Variants in PLCL2 observed in about 807,000 individuals in gnomAD.
PLCL2 encodes the protein phospholipase C like 2, also known as inactive phospholipase C-like protein 2.
Under a neutral mutation model 79.6 loss-of-function variants are expected in PLCL2, and 4 were observed. The ratio of observed to expected loss-of-function variants is 0.05; its 90% CI spans 0.02 to 0.11. The LOEUF (loss-of-function observed/expected upper bound fraction) is 0.11, where lower values mean the gene tolerates loss of function less well. Ranked by LOEUF, PLCL2 falls within the 10% of genes least tolerant of loss-of-function variation. The pLI, the probability that PLCL2 is intolerant of heterozygous loss-of-function variation, is 1.00. For missense variants in PLCL2, 895 were observed against 1,291.0 expected (o/e 0.69, Z 4.70); for synonymous variants, 484 against 457.7 (o/e 1.06, Z -0.73).
At chr3:16,948,511 T>A (rs58765457) in intron 1 of PLCL2, among the ~76,000 whole-genome samples, 37,114 of 152,116 alleles carry the variant, frequency 0.24, 4,874 homozygotes, top group East Asian at 0.53. Flanking sequence ...TAAATAGATG[T>A]ATTGTGTGGT....
rs529207891 is a variant in PLCL2 at position 16,951,486 on chromosome 3, C to G, written c.328-58188C>G. ...CAGGTTTTGGTTTTATTCATTAACT[C>G]TACTATTTTCTGTTTCTTGATTTCT... On this transcript the variant is annotated intron_variant, in intron 1 of 5. Coordinates refer to ENST00000615277, the MANE Select transcript of PLCL2 (RefSeq NM_001144382.2). Among the ~76,000 whole-genome samples the G allele has an allele frequency of 1.6e-4, 24 of 151,990 alleles. No individual in the cohort carries two copies. The East Asian group carries it at 4.6e-3, about 29-fold the overall frequency.
At chr3:16,994,866 C>T (rs1056491415) in intron 1 of PLCL2, among the ~76,000 whole-genome samples, 1 of 152,162 alleles carries the variant, frequency 6.6e-6, no homozygotes, top group African/African-American at 2.4e-5. Context: ...TCCCCATTTG[C>T]ATCTCTTCCC....
rs564690506 is a variant in PLCL2 at position 16,952,877 on chromosome 3, A to G, written c.328-56797A>G. Reference sequence around the variant, plus strand: ...TGCAAAATTGCAACTTACCGAGGGCAGCTTAACAGGATGTGTTAAAATTTT... The same window carrying G: ...TGCAAAATTGCAACTTACCGAGGGCGGCTTAACAGGATGTGTTAAAATTTT... On this transcript the variant is annotated intron_variant, in intron 1 of 5. Transcript: ENST00000615277. Among the ~76,000 whole-genome samples the G allele has an allele frequency of 2.6e-5, 4 of 152,240 alleles. No homozygotes were observed. In the East Asian group the frequency reaches 7.7e-4, roughly 29 times the overall value.
intron 5 of PLCL2, among the ~76,000 whole-genome samples, chr3:17,083,540 G>A (rs2065185229): frequency 6.6e-6 from 1 of 152,180 alleles, no homozygotes; most frequent in East Asian, 1.9e-4. Context: ...AGAGGGAAAG[G>A]GATGTCCTGT....
chr3:16,887,401 G>A lies in PLCL2; in HGVS notation c.327+2035G>A, dbSNP rs1441481838. Reference sequence around the variant, plus strand: ...AGTTCTGTTAATTTATAAAACAATTGGTTTTGGATTTACCAGTCCCATATT... The same window carrying A: ...AGTTCTGTTAATTTATAAAACAATTAGTTTTGGATTTACCAGTCCCATATT... On this transcript the variant is annotated intron_variant, in intron 1 of 5. Coordinates refer to ENST00000615277, the MANE Select transcript of PLCL2 (RefSeq NM_001144382.2). This position sits in a 1 kb window ranked among gnomAD's most constrained non-coding sequence, Gnocchi z 4.1. Among the ~76,000 whole-genome samples, 2 of 152,102 alleles carry A rather than the reference G, an allele frequency of 1.3e-5. No homozygotes were observed. The highest frequency in any genetic ancestry group is 2.4e-5 in the African/African-American group (1 of 41,414).
chr3:17,048,728 A>C (rs139885885), intron 4 of PLCL2, among the ~76,000 whole-genome samples: 2 of 152,186 alleles, frequency 1.3e-5, no homozygotes, highest in Non-Finnish European at 2.9e-5. Flanking sequence ...GTGTGATGCT[A>C]ATCATCTCTG....
At chr3:16,961,042 T>C (rs1256632648) in intron 1 of PLCL2, among the ~76,000 whole-genome samples, 1 of 152,236 alleles carries the variant, frequency 6.6e-6, no homozygotes, top group African/African-American at 2.4e-5. Flanking sequence ...GTCTAGTGTT[T>C]ATGGAATTAA....
At chr3:17,053,797 C>T (rs1356532032) in intron 4 of PLCL2, among the ~76,000 whole-genome samples, 1 of 152,164 alleles carries the variant, frequency 6.6e-6, no homozygotes, top group Non-Finnish European at 1.5e-5. Flanking sequence ...GCAGCTGGGC[C>T]CTGGACCTGG....
chr3:17,053,369 A>G lies in PLCL2; in HGVS notation c.3094+10420A>G, dbSNP rs186257412. Reference sequence around the variant, plus strand: ...ATCTCATGAGAACTCAAAAGGGGGGATGGTGTTGAACCATTCATGAGAACT... The same window carrying G: ...ATCTCATGAGAACTCAAAAGGGGGGGTGGTGTTGAACCATTCATGAGAACT... On this transcript the variant is annotated intron_variant, in intron 4 of 5. Transcript: ENST00000615277. Among the ~76,000 whole-genome samples the G allele has an allele frequency of 1.5e-3, 234 of 152,130 alleles. 1 individual carries two copies. Among genetic ancestry groups the G allele is most frequent in the African/African-American group, 5.3e-3 (220 of 41,494 alleles).
chr3:16,941,545 T>C (rs1166296522), intron 1 of PLCL2, among the ~76,000 whole-genome samples: 1 of 152,202 alleles, frequency 6.6e-6, no homozygotes, highest in African/African-American at 2.4e-5. Context: ...AAAATATCCA[T>C]GCCAGTAAGA....
At chr3:17,065,593 GCCC>G (rs1352216137) in intron 4 of PLCL2, among the ~76,000 whole-genome samples, 1 of 152,164 alleles carries the variant, frequency 6.6e-6, no homozygotes, top group Admixed American at 6.5e-5. Flanking sequence ...TAAACAGTCT[GCCC>G]CTAGCAGAAT....
At chr3:17,006,536 G>T (rs962260447) in intron 1 of PLCL2, among the ~76,000 whole-genome samples, 42 of 152,170 alleles carry the variant, frequency 2.8e-4, no homozygotes, top group African/African-American at 9.9e-4. Flanking sequence ...GGTGTTTTCT[G>T]ATCACTTTAT....
chr3:16,991,529 G>T (rs911463735), intron 1 of PLCL2, among the ~76,000 whole-genome samples: 1 of 151,992 alleles, frequency 6.6e-6, no homozygotes. Flanking sequence ...AATTCTTAAA[G>T]AAAAATTAAT....
intron 1 of PLCL2, among the ~76,000 whole-genome samples, chr3:16,939,228 C>G (rs1164563528): frequency 6.6e-6 from 1 of 152,134 alleles, no homozygotes; most frequent in Non-Finnish European, 1.5e-5. Flanking sequence ...GATTAGTAGT[C>G]CAAACTACTA....
At position 17,011,078 on chromosome 3, in the gene PLCL2, G is replaced by A. The variant is rs759344620; in HGVS notation, c.1732G>A (p.Gly578Arg). ...AAAGAAGCTGTCCTCAAATTGCTCT[G>A]GGGTAGAAGGAGATGTTACTGACGA... ...KAKKLSSNCS[G>R]VEGDVTDEDE... The change falls in exon 2 of 6, where the codon GGG becomes AGG. Residue 578 changes from glycine (G) to arginine (R), a missense_variant. Physicochemically the swap from Gly to Arg is moderately radical, Grantham distance 125 (BLOSUM62 -2). This residue lies in a region of PLCL2 where 242 missense variants were observed against 399.5 expected (regional missense o/e 0.61). Transcript: ENST00000615277. This position sits in a 1 kb window ranked among gnomAD's most constrained non-coding sequence, Gnocchi z 7.9. 3 of 1,614,046 alleles carry A rather than the reference G, an allele frequency of 1.9e-6. No homozygotes were observed. Among genetic ancestry groups the A allele is most frequent in the Admixed American group, 1.7e-5 (1 of 60,014 alleles).
chr3:16,948,027 T>C (rs1167748721), intron 1 of PLCL2, among the ~76,000 whole-genome samples: 2 of 152,246 alleles, frequency 1.3e-5, no homozygotes, highest in Non-Finnish European at 2.9e-5. Flanking sequence ...ATATTTACAT[T>C]GAGTTGTTTT....
chr3:17,067,368 C>T (rs1033023251), intron 4 of PLCL2, among the ~76,000 whole-genome samples: 4 of 152,142 alleles, frequency 2.6e-5, no homozygotes, highest in African/African-American at 9.7e-5. Context: ...ATCTACAGAT[C>T]TTGCAGAAAT....
intron 1 of PLCL2, among the ~76,000 whole-genome samples, chr3:16,937,784 A>T (rs1336444225): frequency 6.6e-6 from 1 of 152,190 alleles, no homozygotes; most frequent in Non-Finnish European, 1.5e-5. Context: ...TGCCGATTTT[A>T]AAAAGATGTT....
intron 1 of PLCL2, among the ~76,000 whole-genome samples, chr3:16,948,682 A>G (rs1350210973): frequency 6.6e-6 from 1 of 152,218 alleles, no homozygotes; most frequent in Non-Finnish European, 1.5e-5. Flanking sequence ...TAATCTGAGG[A>G]AAGTTCTCAG....
Sources: allele counts gnomAD v4.1 joint callset (sites outside exome capture counted in the v4.1 genomes callset), GRCh38; gene constraint gnomAD v4.1.1; regional missense constraint gnomAD v4.1.1; non-coding constraint Gnocchi (gnomAD v3.1); transcripts MANE v1.5; gene names NCBI Gene and HGNC (gene_info 2026-07-23, HGNC 2026-07-21).